Variants in MLLT3 observed in about 807,000 individuals in gnomAD.
MLLT3 encodes protein AF-9.
Under a neutral mutation model 53.2 loss-of-function variants are expected in MLLT3, and 4 were observed. That is an observed-to-expected ratio of 0.08 (90% CI 0.04 to 0.17). MLLT3 has a LOEUF of 0.17. Ranked by LOEUF, MLLT3 falls within the 10% of genes least tolerant of loss-of-function variation. The pLI, the probability that MLLT3 is intolerant of heterozygous loss-of-function variation, is 1.00. For synonymous variants in MLLT3, 283 were observed against 230.6 expected (o/e 1.23, Z -2.06); for missense variants, 569 against 684.0 (o/e 0.83, Z 1.87).
At chr9:20,434,761 C>A (rs1040886035) in intron 4 of MLLT3, among the ~76,000 whole-genome samples, 12 of 152,038 alleles carry the variant, frequency 7.9e-5, no homozygotes, top group African/African-American at 2.7e-4. Flanking sequence ...ATATCACACA[C>A]AAAAACAGAG....
At chr9:20,361,451 G>C (rs532631918) in intron 7 of MLLT3, among the ~76,000 whole-genome samples, 1 of 152,274 alleles carries the variant, frequency 6.6e-6, no homozygotes, top group East Asian at 1.9e-4. Flanking sequence ...TGACATCTAA[G>C]GATTGAACAT....
At chr9:20,606,809 C>A (rs1032945165) in intron 2 of MLLT3, among the ~76,000 whole-genome samples, 1 of 152,084 alleles carries the variant, frequency 6.6e-6, no homozygotes, top group African/African-American at 2.4e-5. Flanking sequence ...TCAATGAAAG[C>A]CCCACGTTTG....
chr9:20,342,008 G>C lies in MLLT3; in HGVS notation c.*4435C>G, dbSNP rs1183209790. 9.7e-6 allele frequency: 2 copies of C among 205,596 alleles called. No individual in the cohort carries two copies. The highest frequency in any genetic ancestry group is 2.0e-5 in the Non-Finnish European group (2 of 100,658). 12.7% of individuals were successfully genotyped at this position (205,596 alleles called of 1,614,324 possible). On this transcript the variant is annotated 3_prime_UTR_variant, in exon 11 of 11. Coordinates refer to ENST00000380338, the MANE Select transcript of MLLT3 (RefSeq NM_004529.4). ...GGACTCCTAAAATGAATGAGGCATG[G>C]ACTCTCTGCCTTCAGCTGGTTTTGG... is the stretch of plus-strand genomic sequence containing the variant.
rs11345001 is a variant in MLLT3, at chr9:20,522,007, GTT to G, written c.194-65223_194-65222del. Among the ~76,000 whole-genome samples the G allele has an allele frequency of 1.4e-3, 196 of 144,876 alleles. 2 individuals carry two copies. The highest frequency in any genetic ancestry group is 3.8e-3 in the East Asian group (19 of 5,044). ...TTATAATTAAGTTTTGACTGTCACA[GTT>G]TTTTTTTTTTTTAACACTCTGAAAT... On this transcript the variant is annotated intron_variant, in intron 2 of 10. Coordinates refer to ENST00000380338, the MANE Select transcript of MLLT3 (RefSeq NM_004529.4).
chr9:20,507,149 T>A (rs936058022), intron 2 of MLLT3, among the ~76,000 whole-genome samples: 1 of 152,204 alleles, frequency 6.6e-6, no homozygotes, highest in Non-Finnish European at 1.5e-5. Flanking sequence ...TCTTAAAACA[T>A]CACTTTAGCA....
chr9:20,345,465 G>GT lies in MLLT3; in HGVS notation c.*977dup, dbSNP rs35087066. 0.45 allele frequency: 82,637 copies of GT among 184,892 alleles called. 20,541 individuals carry two copies. Among genetic ancestry groups the GT allele is most frequent in the African/African-American group, 0.81 (34,226 of 42,384 alleles). The allele number at this position is 184,892 out of a possible 1,614,324, so 11.5% of individuals were successfully genotyped here. A position where few individuals can be genotyped will look rare whatever the true frequency, so the allele number is the denominator to read the frequency against. On this transcript the variant is annotated 3_prime_UTR_variant, in exon 11 of 11. Transcript: ENST00000380338. Reference sequence around the variant, plus strand: ...ATCCAAATTAAGAATTTCTACAACAGTTTTTTTTTTTAGAAAACAGGACCA... The same window carrying GT: ...ATCCAAATTAAGAATTTCTACAACAGTTTTTTTTTTTTAGAAAACAGGACCA...
chr9:20,542,336 C>T (rs561655918), intron 2 of MLLT3, among the ~76,000 whole-genome samples: 18 of 151,312 alleles, frequency 1.2e-4, no homozygotes, highest in African/African-American at 3.4e-4. Context: ...CTGAAAGCTC[C>T]GCTTCCCAGG....
At chr9:20,601,791 C>A (rs1820428877) in intron 2 of MLLT3, among the ~76,000 whole-genome samples, 1 of 152,110 alleles carries the variant, frequency 6.6e-6, no homozygotes, top group Non-Finnish European at 1.5e-5. Context: ...ATCCCTTTAA[C>A]TTTTTCTTTT....
chr9:20,375,788 T>G (rs1300938520), intron 5 of MLLT3, among the ~76,000 whole-genome samples: 2 of 151,908 alleles, frequency 1.3e-5, no homozygotes, highest in African/African-American at 2.4e-5. Context: ...TTTTGTATTT[T>G]TAGTAGAGAC....
intron 2 of MLLT3, among the ~76,000 whole-genome samples, chr9:20,617,231 C>G (rs1183685078): frequency 6.6e-6 from 1 of 152,128 alleles, no homozygotes; most frequent in African/African-American, 2.4e-5. Flanking sequence ...AGCTAGTAAG[C>G]CCTCAAGTAT....
At chr9:20,406,395 C>T (rs1289720303) in intron 5 of MLLT3, among the ~76,000 whole-genome samples, 1 of 152,194 alleles carries the variant, frequency 6.6e-6, no homozygotes, top group Non-Finnish European at 1.5e-5. Flanking sequence ...CTACCACATA[C>T]ATATTTTTAA....
In MLLT3 at chr9:20,448,351, A is replaced by C; in HGVS notation, c.277-85T>G. 1 of 1,301,694 alleles carries C rather than the reference A, an allele frequency of 7.7e-7. No individual in the cohort carries two copies. Among genetic ancestry groups the C allele is most frequent in the South Asian group, 1.4e-5 (1 of 73,158 alleles). The allele number at this position is 1,301,694 out of a possible 1,614,324, so 80.6% of individuals were successfully genotyped here. On this transcript the variant is annotated intron_variant, in intron 3 of 10. Coordinates refer to ENST00000380338, the MANE Select transcript of MLLT3 (RefSeq NM_004529.4). This position sits in a 1 kb window ranked among gnomAD's most constrained non-coding sequence, Gnocchi z 4.0. ...AAGCAAAAATTTACTCCTCATAAGA[A>C]ATAGAAAAGAACTAAGACATCTAAC...
intron 4 of MLLT3, among the ~76,000 whole-genome samples, chr9:20,436,335 T>G (rs1419867439): frequency 6.6e-6 from 1 of 152,184 alleles, no homozygotes; most frequent in Non-Finnish European, 1.5e-5. Flanking sequence ...TTAAAAAGTT[T>G]AGGGGAAAGG....
At chr9:20,472,007 A>G (rs906399733) in intron 2 of MLLT3, among the ~76,000 whole-genome samples, 1 of 152,106 alleles carries the variant, frequency 6.6e-6, no homozygotes, top group African/African-American at 2.4e-5. Context: ...GAAATAAATG[A>G]CATAAATTTG....
rs1348400692 is a variant in MLLT3 at position 20,413,891 on chromosome 9, T to A, written c.955A>T (p.Thr319Ser). The A allele has an allele frequency of 5.0e-6, 8 of 1,613,996 alleles. No homozygotes were observed. The South Asian group carries it at 8.8e-5, about 18-fold the overall frequency. Reference sequence around the variant, plus strand: ...ATCTGTTTTTTGTCAGCAGAACAAGTGAGTATCAGTGGTGGTGCGCTAGAA... The same window carrying A: ...ATCTGTTTTTTGTCAGCAGAACAAGAGAGTATCAGTGGTGGTGCGCTAGAA... ...SFSSAPPLIL[T>S]CSADKKQIKD... Residue 319 changes from threonine to serine, a missense_variant, in exon 5 of 11, where the codon ACT becomes TCT. Thr to Ser is a moderately conservative substitution (Grantham distance 58). Coordinates refer to ENST00000380338, the MANE Select transcript of MLLT3 (RefSeq NM_004529.4).
At position 20,606,373 on chromosome 9, in the gene MLLT3, G is replaced by GA. The variant is rs900324883; in HGVS notation, c.193+14280dup. On this transcript the variant is annotated intron_variant, in intron 2 of 10. Coordinates refer to ENST00000380338, the MANE Select transcript of MLLT3 (RefSeq NM_004529.4). ...TGAGTGGATGGGGGAGGAAAACTCA[G>GA]AAAAAAACAGTAATTTCTAAAGCAG... Among the ~76,000 whole-genome samples the GA allele has an allele frequency of 9.9e-5, 15 of 152,018 alleles. No individual in the cohort carries two copies. The South Asian group carries it at 2.5e-3, about 25-fold the overall frequency.
intron 2 of MLLT3, among the ~76,000 whole-genome samples, chr9:20,590,381 A>C (rs949286402): frequency 2.0e-5 from 3 of 152,190 alleles, no homozygotes; most frequent in African/African-American, 7.2e-5. Flanking sequence ...AATCCCTATG[A>C]ATCTCCACAT....
intron 2 of MLLT3, among the ~76,000 whole-genome samples, chr9:20,546,472 G>C (rs1818790733): frequency 6.6e-6 from 1 of 151,832 alleles, no homozygotes; most frequent in Admixed American, 6.6e-5. Flanking sequence ...AAGCCCAAGA[G>C]GTTGAAGGCT....
At chr9:20,390,263 T>G (rs1586912723) in intron 5 of MLLT3, among the ~76,000 whole-genome samples, 1 of 152,158 alleles carries the variant, frequency 6.6e-6, no homozygotes, top group East Asian at 1.9e-4. Context: ...AGGATACTAA[T>G]TTTCCCCGAG....
Sources: allele counts gnomAD v4.1 joint callset (sites outside exome capture counted in the v4.1 genomes callset), GRCh38; gene constraint gnomAD v4.1.1; non-coding constraint Gnocchi (gnomAD v3.1); transcripts MANE v1.5; gene names NCBI Gene and HGNC (gene_info 2026-07-23, HGNC 2026-07-21).